CMTM8: variants seen among roughly 807,000 people sequenced by gnomAD.
CMTM8 encodes CKLF-like MARVEL transmembrane domain-containing protein 8.
A neutral mutation model predicts 18.6 loss-of-function variants in CMTM8; 12 were observed. That is an observed-to-expected ratio of 0.65 (90% CI 0.41 to 1.05). CMTM8 has a LOEUF of 1.05. Ranked by LOEUF, CMTM8 falls within the 50% of genes least tolerant of loss-of-function variation. The pLI is 0.00. For missense variants in CMTM8, 217 were observed against 227.2 expected (o/e 0.95, Z 0.29); for synonymous variants, 87 against 90.6 (o/e 0.96, Z 0.23).
intron 1 of CMTM8, among the ~76,000 whole-genome samples, chr3:32,248,680 T>A (rs941164436): frequency 1.3e-5 from 2 of 151,836 alleles, no homozygotes. Context: ...TTTTTTTTTT[T>A]AATTAAAAGT....
At chr3:32,328,885 G>A (rs900698971) in intron 1 of CMTM8, among the ~76,000 whole-genome samples, 1 of 152,030 alleles carries the variant, frequency 6.6e-6, no homozygotes, top group African/African-American at 2.4e-5. Flanking sequence ...GGCTTCACTA[G>A]AAAATTCTAC....
intron 1 of CMTM8, among the ~76,000 whole-genome samples, chr3:32,326,945 G>A (rs1415651040): frequency 6.6e-6 from 1 of 152,084 alleles, no homozygotes; most frequent in Non-Finnish European, 1.5e-5. Flanking sequence ...TTTGCCACTG[G>A]CTGCATTTGC....
chr3:32,337,976 C>CTTTT (rs1415837694), intron 1 of CMTM8, among the ~76,000 whole-genome samples: 5 of 130,674 alleles, frequency 3.8e-5, no homozygotes, highest in Non-Finnish European at 6.4e-5. Flanking sequence ...ACTATTTGGC[C>CTTTT]TTTTTTTTTT....
intron 1 of CMTM8, chr3:32,259,045 C>G: frequency 2.8e-6 from 1 of 359,714 alleles, no homozygotes; most frequent in Non-Finnish European, 5.4e-6. Context: ...CAGCAAGCAT[C>G]TATGCAGGCG....
intron 1 of CMTM8, among the ~76,000 whole-genome samples, chr3:32,287,459 A>G (rs1056797798): frequency 6.6e-6 from 1 of 152,242 alleles, no homozygotes; most frequent in Non-Finnish European, 1.5e-5. Flanking sequence ...TCAGCTGTTA[A>G]TACCATTAAA....
intron 1 of CMTM8, among the ~76,000 whole-genome samples, chr3:32,348,820 A>G (rs1157930015): frequency 6.6e-6 from 1 of 151,904 alleles, no homozygotes; most frequent in Non-Finnish European, 1.5e-5. Flanking sequence ...TACTAATCAG[A>G]TGTTTGACCT....
intron 1 of CMTM8, among the ~76,000 whole-genome samples, chr3:32,326,168 T>C (rs1463444081): frequency 1.3e-5 from 2 of 152,204 alleles, no homozygotes; most frequent in African/African-American, 4.8e-5. Context: ...TCCTGCTGAC[T>C]CGTCACACTC....
intron 1 of CMTM8, among the ~76,000 whole-genome samples, chr3:32,284,044 G>T (rs943421401): frequency 6.6e-6 from 1 of 152,208 alleles, no homozygotes; most frequent in African/African-American, 2.4e-5. Flanking sequence ...CTGAGGTCAG[G>T]AGTTCGAGAC....
chr3:32,292,234 A>T (rs1021431332), intron 1 of CMTM8, among the ~76,000 whole-genome samples: 3 of 152,116 alleles, frequency 2.0e-5, no homozygotes, highest in Non-Finnish European at 4.4e-5. Flanking sequence ...GATTGTCCCC[A>T]CCTTCATCAT....
At position 32,358,777 on chromosome 3, in the gene CMTM8, G is replaced by A. The variant is rs1479077814; in HGVS notation, c.321+1231G>A. 6.6e-6 allele frequency among the ~76,000 whole-genome samples: 1 copy of A among 152,162 alleles called. No homozygotes were observed. Among genetic ancestry groups the A allele is most frequent in the African/African-American group, 2.4e-5 (1 of 41,432 alleles). On this transcript the variant is annotated intron_variant, in intron 2 of 3. Transcript: ENST00000307526. This position sits in a 1 kb window ranked among gnomAD's most constrained non-coding sequence, Gnocchi z 4.1. ...AGTTTGAAAAGTAATTCCAAATAAG[G>A]TGCTTAATCACTGTCTAGGGTGGTG...
chr3:32,342,834 G>T (rs192273758), intron 1 of CMTM8, among the ~76,000 whole-genome samples: 2 of 152,152 alleles, frequency 1.3e-5, no homozygotes, highest in Non-Finnish European at 2.9e-5. Flanking sequence ...ACAGCACCTC[G>T]CAAGCACTCT....
At chr3:32,246,741 T>A (rs1702020588) in intron 1 of CMTM8, among the ~76,000 whole-genome samples, 1 of 152,244 alleles carries the variant, frequency 6.6e-6, no homozygotes, top group South Asian at 2.1e-4. Flanking sequence ...TCTTTCTGGA[T>A]GTTCTTTAGT....
At chr3:32,263,971 T>G (rs905690394) in intron 1 of CMTM8, among the ~76,000 whole-genome samples, 4 of 152,246 alleles carry the variant, frequency 2.6e-5, no homozygotes, top group Non-Finnish European at 5.9e-5. Context: ...AATCTATGTC[T>G]GATTGGTGTA....
chr3:32,367,298 C>G (rs1264627790), intron 2 of CMTM8, among the ~76,000 whole-genome samples: 1 of 152,190 alleles, frequency 6.6e-6, no homozygotes, highest in Non-Finnish European at 1.5e-5. Context: ...AAAATAGGAA[C>G]AAATAAGGTA....
chr3:32,253,448 G>A (rs1189397845), intron 1 of CMTM8, among the ~76,000 whole-genome samples: 2 of 150,530 alleles, frequency 1.3e-5, no homozygotes, highest in Non-Finnish European at 3.0e-5. Context: ...AGGTTCAAGT[G>A]ATTCTCCTGC....
chr3:32,274,685 A>G (rs537548203), intron 1 of CMTM8, among the ~76,000 whole-genome samples: 2 of 152,284 alleles, frequency 1.3e-5, no homozygotes, highest in South Asian at 2.1e-4. Context: ...TGTCCTAATA[A>G]TGTTCCTTAT....
rs140270969 is a variant in CMTM8, at chr3:32,361,286, G to GTTTGTTTGTTTTTTT, written c.321+3743_321+3744insGTTTGTTTTTTTTTT. On this transcript the variant is annotated intron_variant, in intron 2 of 3. Coordinates refer to ENST00000307526, the MANE Select transcript of CMTM8 (RefSeq NM_178868.5). ...GTGAGCCACGGCGCCCAGCCTAAGA[G>GTTTGTTTGTTTTTTT]TTTTTTTTTCTTTCAAATTTTGGAA... Among the ~76,000 whole-genome samples the GTTTGTTTGTTTTTTT allele has an allele frequency of 3.4e-5, 3 of 87,230 alleles. 1 individual carries two copies. The highest frequency in any genetic ancestry group is 7.1e-5 in the Non-Finnish European group (3 of 41,978). The allele number at this position is 87,230 out of a possible 152,430, so 57.2% of individuals were successfully genotyped here.
chr3:32,301,159 C>A (rs79953371), intron 1 of CMTM8, among the ~76,000 whole-genome samples: 1 of 152,072 alleles, frequency 6.6e-6, no homozygotes, highest in Middle Eastern at 3.4e-3. Context: ...GACATTAACC[C>A]GGTTTGTTTC....
chr3:32,341,662 A>G (rs1696497008), intron 1 of CMTM8, among the ~76,000 whole-genome samples: 1 of 151,952 alleles, frequency 6.6e-6, no homozygotes. Flanking sequence ...GGATCACCTG[A>G]GGTCAGGAGT....
Sources: allele counts gnomAD v4.1 joint callset (sites outside exome capture counted in the v4.1 genomes callset), GRCh38; gene constraint gnomAD v4.1.1; non-coding constraint Gnocchi (gnomAD v3.1); transcripts MANE v1.5; gene names NCBI Gene and HGNC (gene_info 2026-07-23, HGNC 2026-07-21).